RAPGEF5: variants seen among roughly 807,000 people sequenced by gnomAD.
RAPGEF5 encodes the protein Rap guanine nucleotide exchange factor 5, also known as M-Ras-regulated GEF.
In RAPGEF5, 65 loss-of-function variants were observed where a neutral mutation model predicts 125.2. That is an observed-to-expected ratio of 0.52 (90% CI 0.43 to 0.64). RAPGEF5 has a LOEUF of 0.64. Ranked by LOEUF, RAPGEF5 falls within the 30% of genes least tolerant of loss-of-function variation. RAPGEF5 has a pLI of 0.00. For missense variants in RAPGEF5, 958 were observed against 1,048.1 expected, an observed-to-expected ratio of 0.91 and a Z score of 1.19; for synonymous variants, 391 against 385.9, an observed-to-expected ratio of 1.01 and a Z score of -0.16.
chr7:22,226,982 A>C (rs565656518), intron 8 of RAPGEF5, among the ~76,000 whole-genome samples: 77 of 152,218 alleles, frequency 5.1e-4, no homozygotes, highest in African/African-American at 1.8e-3. Context: ...TGTATTTAGA[A>C]AATTATCCCT....
At chr7:22,283,331 T>A (rs1399366578) in intron 6 of RAPGEF5, among the ~76,000 whole-genome samples, 2 of 152,242 alleles carry the variant, frequency 1.3e-5, no homozygotes, top group Non-Finnish European at 2.9e-5. Context: ...AGTGTCATTA[T>A]AATTTTTACA....
At chr7:22,270,797 G>A (rs961522386) in intron 6 of RAPGEF5, among the ~76,000 whole-genome samples, 1 of 152,168 alleles carries the variant, frequency 6.6e-6, no homozygotes, top group African/African-American at 2.4e-5. Context: ...GCAGCAACTT[G>A]TAGTCAGATA....
At chr7:22,152,508 T>C (rs1366056617) in intron 17 of RAPGEF5, among the ~76,000 whole-genome samples, 10 of 152,220 alleles carry the variant, frequency 6.6e-5, no homozygotes, top group Admixed American at 4.6e-4. Flanking sequence ...TTAAAACTGA[T>C]AGAATTTTAA....
intron 14 of RAPGEF5, among the ~76,000 whole-genome samples, chr7:22,158,735 C>G (rs893857546): frequency 1.2e-4 from 19 of 152,066 alleles, no homozygotes; most frequent in Non-Finnish European, 2.9e-5. Flanking sequence ...AAGTGATCCT[C>G]CTGCCTCAGC....
At chr7:22,155,654 A>T (rs984243224) in intron 16 of RAPGEF5, among the ~76,000 whole-genome samples, 2 of 152,220 alleles carry the variant, frequency 1.3e-5, no homozygotes, top group Non-Finnish European at 2.9e-5. Context: ...GACACTTGAC[A>T]TATTTGGTTT....
chr7:22,235,943 T>C (rs1786176846), intron 7 of RAPGEF5, among the ~76,000 whole-genome samples: 1 of 152,216 alleles, frequency 6.6e-6, no homozygotes, highest in Admixed American at 6.5e-5. Context: ...TTCTGCCTCA[T>C]CACTGTATTT....
chr7:22,317,898 C>CA, intron 2 of RAPGEF5, 89 bp downstream of exon 2: 1 of 1,516,014 alleles, frequency 6.6e-7, no homozygotes, highest in Non-Finnish European at 8.9e-7. Context: ...TGGTCAGGAG[C>CA]AAAGGGAACA....
intron 6 of RAPGEF5, among the ~76,000 whole-genome samples, chr7:22,285,500 T>C (rs1190491059): frequency 3.3e-5 from 5 of 152,222 alleles, no homozygotes; most frequent in African/African-American, 1.2e-4. Context: ...ATCAAAGAAG[T>C]TGTCAATGTT....
intron 1 of RAPGEF5, among the ~76,000 whole-genome samples, chr7:22,331,860 T>A (rs1481517053): frequency 6.6e-6 from 1 of 152,100 alleles, no homozygotes; most frequent in Non-Finnish European, 1.5e-5. Context: ...AGGTTACCAG[T>A]GATTTCCTTC....
In RAPGEF5 at chr7:22,231,040, T is replaced by C. The variant is rs530082785; in HGVS notation, c.797-121A>G. 1.8e-5 allele frequency: 17 copies of C among 919,550 alleles called. No homozygotes were observed. The East Asian group carries it at 3.7e-4, about 20-fold the overall frequency. 57.0% of individuals were successfully genotyped at this position (919,550 alleles called of 1,614,324 possible). On this transcript the variant is annotated intron_variant, in intron 7 of 25. Transcript: ENST00000665637. ...TAGATAGATTCACAAAATGTAAACA[T>C]TGGCATTATTTTTTGTTAATCAAAT... is the stretch of plus-strand genomic sequence containing the variant.
At chr7:22,192,780 A>G (rs1785034914) in intron 11 of RAPGEF5, 1 of 152,688 alleles carries the variant, frequency 6.5e-6, no homozygotes, top group Non-Finnish European at 1.5e-5. Flanking sequence ...AATTTAAAAT[A>G]CAAGAAGTCT....
At chr7:22,291,339 T>A in intron 5 of RAPGEF5, 98 bp from the exon 6 acceptor site, 1 of 1,430,884 alleles carries the variant, frequency 7.0e-7, no homozygotes, top group Non-Finnish European at 9.1e-7. Flanking sequence ...GTCATTGTTA[T>A]TATATTAGCA....
chr7:22,217,281 C>T (rs1042700617), intron 9 of RAPGEF5, among the ~76,000 whole-genome samples: 1 of 152,152 alleles, frequency 6.6e-6, no homozygotes, highest in Admixed American at 6.5e-5. Context: ...CCTAGGTTTA[C>T]GTTAAGTAAA....
intron 20 of RAPGEF5, 135 bp from the exon 21 acceptor site, chr7:22,140,250 C>T: frequency 1.4e-6 from 1 of 720,866 alleles, no homozygotes; most frequent in East Asian, 2.8e-5. Flanking sequence ...GTACCCCTTA[C>T]TGCCCTTCAG....
chr7:22,213,468 T>G (rs1189362337), intron 9 of RAPGEF5, among the ~76,000 whole-genome samples: 2 of 152,232 alleles, frequency 1.3e-5, no homozygotes, highest in East Asian at 3.8e-4. Context: ...CTGTTTTCCA[T>G]GTATAAATTC....
chr7:22,223,018 A>T (rs2128133197), intron 8 of RAPGEF5, among the ~76,000 whole-genome samples: 1 of 152,232 alleles, frequency 6.6e-6, no homozygotes, highest in South Asian at 2.1e-4. Context: ...ATGGCTATTG[A>T]CATCCAAGTG....
At chr7:22,243,461 G>C (rs1786391959) in intron 7 of RAPGEF5, among the ~76,000 whole-genome samples, 1 of 152,026 alleles carries the variant, frequency 6.6e-6, no homozygotes. Context: ...TCACCATGTT[G>C]GCCAGGCTGG....
At chr7:22,247,749 TAA>T (rs199529209) in intron 7 of RAPGEF5, among the ~76,000 whole-genome samples, 12,861 of 146,564 alleles carry the variant, frequency 0.088, 626 homozygotes, top group Middle Eastern at 0.1. Context: ...GTGGACTGGA[TAA>T]AAAAAAAAAT....
intron 1 of RAPGEF5, 82 bp downstream of exon 1, chr7:22,356,747 GC>G (rs1784427884): frequency 1.4e-6 from 1 of 715,354 alleles, no homozygotes; most frequent in Non-Finnish European, 1.8e-6. Context: ...ACTTCCAGAC[GC>G]CCCCCTCAGC....
Sources: allele counts gnomAD v4.1 joint callset (sites outside exome capture counted in the v4.1 genomes callset), GRCh38; gene constraint gnomAD v4.1.1; transcripts MANE v1.5; gene names NCBI Gene and HGNC (gene_info 2026-07-23, HGNC 2026-07-21).